The following JAZF1 variants were observed in gnomAD, a reference collection of about 807,000 sequenced individuals.
The protein encoded by JAZF1 is juxtaposed with another zinc finger protein 1.
In JAZF1, 8 loss-of-function variants were observed where a neutral mutation model predicts 26.4. That is an observed-to-expected ratio of 0.30 (90% CI 0.18 to 0.55). The LOEUF (loss-of-function observed/expected upper bound fraction) is 0.55. JAZF1 is among the 20% of genes least tolerant of loss of function. JAZF1 has a pLI of 0.94. For missense variants in JAZF1, 199 were observed against 322.0 expected (o/e 0.62, Z 2.92); for synonymous variants, 126 against 122.3 (o/e 1.03, Z -0.20).
chr7:27,885,530 TAGG>T (rs1783844569), intron 3 of JAZF1, among the ~76,000 whole-genome samples: 2 of 152,362 alleles, frequency 1.3e-5, no homozygotes, highest in African/African-American at 2.4e-5. Context: ...TGTTGAATTG[TAGG>T]AGTTCCGTAC....
At chr7:28,040,167 G>C (rs1372515937) in intron 1 of JAZF1, among the ~76,000 whole-genome samples, 1 of 152,156 alleles carries the variant, frequency 6.6e-6, no homozygotes, top group African/African-American at 2.4e-5. Context: ...TAAACTGTCA[G>C]AAGTCTTCAA....
chr7:28,064,851 A>G (rs942316711), intron 1 of JAZF1, among the ~76,000 whole-genome samples: 6 of 152,162 alleles, frequency 3.9e-5, no homozygotes, highest in African/African-American at 9.7e-5. Flanking sequence ...TTTCTTGACC[A>G]GCTTAACAGG....
intron 2 of JAZF1, among the ~76,000 whole-genome samples, chr7:27,955,687 A>G (rs886861052): frequency 1.3e-5 from 2 of 152,098 alleles, no homozygotes; most frequent in Non-Finnish European, 2.9e-5. Flanking sequence ...TTATTTTACA[A>G]CTCATTGTGA....
intron 1 of JAZF1, among the ~76,000 whole-genome samples, chr7:28,123,894 A>G (rs1782648321): frequency 6.6e-6 from 1 of 152,202 alleles, no homozygotes; most frequent in Non-Finnish European, 1.5e-5. Flanking sequence ...CCTAACCAGA[A>G]GTCACAACCA....
At chr7:27,858,517 C>T (rs540979192) in intron 3 of JAZF1, among the ~76,000 whole-genome samples, 7 of 152,146 alleles carry the variant, frequency 4.6e-5, no homozygotes, top group Non-Finnish European at 7.3e-5. Context: ...CAGCATGGTA[C>T]GGATGCCAAA....
At chr7:27,964,313 T>G (rs576416620) in intron 2 of JAZF1, among the ~76,000 whole-genome samples, 1 of 152,254 alleles carries the variant, frequency 6.6e-6, no homozygotes, top group South Asian at 2.1e-4. Flanking sequence ...TCAGTGTAAT[T>G]TATAATAATG....
At chr7:27,838,349 G>A (rs542667753) in intron 4 of JAZF1, among the ~76,000 whole-genome samples, 1 of 152,252 alleles carries the variant, frequency 6.6e-6, no homozygotes, top group East Asian at 1.9e-4. Flanking sequence ...TGGAGACTTG[G>A]CCTTACCAGT....
intron 2 of JAZF1, among the ~76,000 whole-genome samples, chr7:27,972,217 G>C (rs1355741005): frequency 6.6e-6 from 1 of 152,248 alleles, no homozygotes; most frequent in Non-Finnish European, 1.5e-5. Context: ...AGGGCACAGA[G>C]AGGGATGAAC....
intron 1 of JAZF1, among the ~76,000 whole-genome samples, chr7:28,092,540 G>A (rs58875737): frequency 1.3e-4 from 19 of 151,902 alleles, no homozygotes; most frequent in Non-Finnish European, 2.1e-4. Flanking sequence ...CTACTTCATA[G>A]AACTGCTTTT....
At chr7:27,864,890 G>C (rs572024505) in intron 3 of JAZF1, among the ~76,000 whole-genome samples, 9 of 152,204 alleles carry the variant, frequency 5.9e-5, no homozygotes, top group South Asian at 2.1e-4. Flanking sequence ...TACAGACTTG[G>C]GGAAATTTAC....
At chr7:27,919,434 GAA>G (rs1188812737) in intron 2 of JAZF1, among the ~76,000 whole-genome samples, 2 of 152,154 alleles carry the variant, frequency 1.3e-5, no homozygotes, top group African/African-American at 4.8e-5. Context: ...GAGAGTTAAA[GAA>G]AAGTCATTTA....
chr7:27,867,786 G>A (rs1271529984), intron 3 of JAZF1, among the ~76,000 whole-genome samples: 2 of 152,230 alleles, frequency 1.3e-5, no homozygotes, highest in East Asian at 1.9e-4. Context: ...GGTAGACAGC[G>A]TGGCTGTCAC....
intron 1 of JAZF1, among the ~76,000 whole-genome samples, chr7:28,072,001 T>C (rs1783985370): frequency 1.3e-5 from 2 of 152,246 alleles, no homozygotes; most frequent in Admixed American, 1.3e-4. Context: ...TTTAACATCG[T>C]AGTATGAAGT....
chr7:27,902,223 CTAT>C (rs2128343268), intron 2 of JAZF1, among the ~76,000 whole-genome samples: 1 of 152,294 alleles, frequency 6.6e-6, no homozygotes, highest in Admixed American at 6.5e-5. Context: ...AGTATTTCTA[CTAT>C]ATTATCTTTA....
chr7:27,861,700 A>G (rs901056417), intron 3 of JAZF1, among the ~76,000 whole-genome samples: 3 of 152,108 alleles, frequency 2.0e-5, no homozygotes, highest in African/African-American at 7.2e-5. Context: ...CCTGGAAGCC[A>G]TTCCCAAACC....
chr7:28,177,308 C>G (rs777398646), intron 1 of JAZF1, among the ~76,000 whole-genome samples: 6 of 152,110 alleles, frequency 3.9e-5, no homozygotes, highest in Non-Finnish European at 8.8e-5. Context: ...GGTTCTAAAG[C>G]CCCCAAATCC....
intron 3 of JAZF1, among the ~76,000 whole-genome samples, chr7:27,875,285 T>G (rs948480262): frequency 1.3e-5 from 2 of 152,178 alleles, no homozygotes; most frequent in African/African-American, 4.8e-5. Flanking sequence ...CCCTGCTCTG[T>G]GATCCTCGTC....
At chr7:28,083,782 T>C (rs185991958) in intron 1 of JAZF1, among the ~76,000 whole-genome samples, 20 of 151,998 alleles carry the variant, frequency 1.3e-4, no homozygotes, top group African/African-American at 9.6e-5. Flanking sequence ...AGTAAAAACA[T>C]TGGGCCCTGA....
intron 1 of JAZF1, among the ~76,000 whole-genome samples, chr7:27,999,249 A>G (rs975201290): frequency 6.6e-6 from 1 of 152,228 alleles, no homozygotes; most frequent in Non-Finnish European, 1.5e-5. Flanking sequence ...TCCTGGGACC[A>G]AGTTAATTTG....
Sources: gnomAD v4.1 joint callset for allele counts (sites outside exome capture counted in the v4.1 genomes callset) on GRCh38, gnomAD v4.1.1 for gene constraint, MANE v1.5 for transcripts, NCBI Gene and HGNC (gene_info 2026-07-23, HGNC 2026-07-21) for gene names.